Variants in RIMBP2 observed in about 807,000 individuals in gnomAD.
RIMBP2 encodes the protein RIMS binding protein 2, also known as RIMS-binding protein 2.
In RIMBP2, 48 loss-of-function variants were observed where a neutral mutation model predicts 118.6. That is an observed-to-expected ratio of 0.40 (90% confidence interval 0.32 to 0.51). The LOEUF (loss-of-function observed/expected upper bound fraction) is 0.51. Ranked by LOEUF, RIMBP2 falls within the 20% of genes least tolerant of loss-of-function variation. RIMBP2 has a pLI of 0.41. For missense variants in RIMBP2, 1,551 were observed against 1,768.3 expected (o/e 0.88, Z 2.20); for synonymous variants, 762 against 742.9 (o/e 1.03, Z -0.42).
rs2074141064 is a variant in RIMBP2, at chr12:130,397,344, G to A, written c.*17C>T. On this transcript the variant is annotated 3_prime_UTR_variant, in exon 23 of 23. Transcript: ENST00000690449. ...AGAAAATTACATAGATTTGGCAGTT[G>A]TCCGGAAGCACATGAATCATTTCAC... is the stretch of plus-strand genomic sequence containing the variant. 2.5e-6 allele frequency: 1 copy of A among 398,992 alleles called. No individual in the cohort carries two copies. The highest frequency in any genetic ancestry group is 4.4e-6 in the Non-Finnish European group (1 of 226,038). The allele number at this position is 398,992 out of a possible 1,614,324, so 24.7% of individuals were successfully genotyped here. A position where few individuals can be genotyped will look rare whatever the true frequency, so the allele number is the denominator to read the frequency against.
rs897337789 is a variant in RIMBP2 at position 130,446,080 on chromosome 12, G to A, written c.582-811C>T. Among the ~76,000 whole-genome samples the A allele has an allele frequency of 6.8e-6, 1 of 147,602 alleles. No homozygotes were observed. The highest frequency in any genetic ancestry group is 7.0e-5 in the Admixed American group (1 of 14,252). ...CATATTCTCCAGTCCTCAACATATT[G>A]GGATTAATAATTTTCAAAGCCGTGT... On this transcript the variant is annotated intron_variant, in intron 9 of 22. Coordinates refer to ENST00000690449, the MANE Select transcript of RIMBP2 (RefSeq NM_001393629.1). The surrounding 1 kb of genome is among the most constrained non-coding windows in gnomAD (Gnocchi z 4.1).
At chr12:130,560,355 C>T (rs947915298) in intron 2 of RIMBP2, among the ~76,000 whole-genome samples, 1 of 152,086 alleles carries the variant, frequency 6.6e-6, no homozygotes, top group Non-Finnish European at 1.5e-5. Flanking sequence ...CAACCTCAGC[C>T]CGGTGGTCAT....
chr12:130,440,724 G>A (rs561388385), intron 11 of RIMBP2, among the ~76,000 whole-genome samples: 1 of 152,322 alleles, frequency 6.6e-6, no homozygotes, highest in East Asian at 1.9e-4. Context: ...AAATGTCGTC[G>A]TGTAACAGAT....
At chr12:130,449,207 G>T (rs1839427969) in intron 9 of RIMBP2, among the ~76,000 whole-genome samples, 1 of 152,230 alleles carries the variant, frequency 6.6e-6, no homozygotes, top group South Asian at 2.1e-4. Context: ...TAAGAAATGG[G>T]GGTGAACTGC....
chr12:130,496,058 C>T (rs11609342), intron 4 of RIMBP2, among the ~76,000 whole-genome samples: 6,173 of 152,184 alleles, frequency 0.041, 191 homozygotes, highest in South Asian at 0.15. Context: ...TGGACCACGG[C>T]AGAGAGTACG....
chr12:130,428,598 C>T (rs981856281), intron 14 of RIMBP2: 10 of 339,398 alleles, frequency 2.9e-5, no homozygotes, highest in Admixed American at 4.9e-5. Context: ...GAGCTCTGGA[C>T]AAGATAGAAA....
At chr12:130,418,451 G>GCT (rs1458986720) in intron 17 of RIMBP2, among the ~76,000 whole-genome samples, 8 of 152,246 alleles carry the variant, frequency 5.3e-5, no homozygotes, top group African/African-American at 1.9e-4. Flanking sequence ...GTGGAGAACA[G>GCT]CTGTGGCTGC....
chr12:130,490,213 C>G (rs2048512114), intron 4 of RIMBP2, among the ~76,000 whole-genome samples: 1 of 151,018 alleles, frequency 6.6e-6, no homozygotes, highest in African/African-American at 2.4e-5. Flanking sequence ...GTTGTTGCAA[C>G]TGGACTCAAA....
chr12:130,632,310 C>G (rs2062041917), intron 1 of RIMBP2, among the ~76,000 whole-genome samples: 1 of 152,192 alleles, frequency 6.6e-6, no homozygotes, highest in Non-Finnish European at 1.5e-5. Flanking sequence ...TCTAAGGAAT[C>G]ATGTTCTCTC....
At chr12:130,532,799 A>G (rs927005659) in intron 2 of RIMBP2, among the ~76,000 whole-genome samples, 1 of 149,972 alleles carries the variant, frequency 6.7e-6, no homozygotes, top group Non-Finnish European at 1.5e-5. Context: ...GTCTAATGAG[A>G]TGCGTGTGTG....
rs542238554 is a variant in RIMBP2 at position 130,661,705 on chromosome 12, C to T, written c.-351-33249G>A. Among the ~76,000 whole-genome samples, 10 of 152,326 alleles carry T rather than the reference C, an allele frequency of 6.6e-5. 1 individual carries two copies. The highest frequency in any genetic ancestry group is 2.2e-4 in the African/African-American group (9 of 41,582). On this transcript the variant is annotated intron_variant, in intron 1 of 22. Coordinates refer to ENST00000690449, the MANE Select transcript of RIMBP2 (RefSeq NM_001393629.1). ...CAGTCTCACTAATAAATTCCCCTCT[C>T]TGCTTAAGCACAGTTTGGGTTAGAG... is the stretch of plus-strand genomic sequence containing the variant.
intron 1 of RIMBP2, among the ~76,000 whole-genome samples, chr12:130,682,584 A>C (rs1167731799): frequency 6.6e-6 from 1 of 152,254 alleles, no homozygotes; most frequent in Non-Finnish European, 1.5e-5. Flanking sequence ...CTAAATTTTA[A>C]AAAATAGCTG....
At chr12:130,472,109 A>G (rs1265229749) in intron 5 of RIMBP2, 2 of 152,328 alleles carry the variant, frequency 1.3e-5, no homozygotes, top group Non-Finnish European at 2.9e-5. Flanking sequence ...AGAGCAGCCA[A>G]GTCCTGGTGA....
At chr12:130,410,686 T>A (rs2075642872) in intron 19 of RIMBP2, among the ~76,000 whole-genome samples, 1 of 152,236 alleles carries the variant, frequency 6.6e-6, no homozygotes, top group Non-Finnish European at 1.5e-5. Context: ...TTGGTCTGTT[T>A]CTGGACTTCA....
rs184323969 is a variant in RIMBP2 at position 130,564,436 on chromosome 12, T to C, written c.-216-46519A>G. ...TTACATAACATACAATTAACTATTT[T>C]AGAGTTAACATTTCGCCAGCAACAA... On this transcript the variant is annotated intron_variant, in intron 2 of 22. Transcript: ENST00000690449. 3.4e-3 allele frequency among the ~76,000 whole-genome samples: 518 copies of C among 152,310 alleles called. 1 individual carries two copies. Among genetic ancestry groups the C allele is most frequent in the Non-Finnish European group, 5.7e-3 (391 of 68,034 alleles).
chr12:130,651,224 G>A (rs2063219324), intron 1 of RIMBP2: 2 of 152,140 alleles, frequency 1.3e-5, no homozygotes, highest in Admixed American at 1.3e-4. Context: ...ATTCTGCAGG[G>A]CACTCAGGCA....
chr12:130,439,845 G>GTATC (rs1246365622), intron 11 of RIMBP2, among the ~76,000 whole-genome samples: 3 of 146,544 alleles, frequency 2.0e-5, no homozygotes, highest in Non-Finnish European at 3.0e-5. Context: ...ATGTGTATCT[G>GTATC]TGAGTCTGTG....
At chr12:130,645,983 A>C (rs1027201227) in intron 1 of RIMBP2, among the ~76,000 whole-genome samples, 1 of 152,224 alleles carries the variant, frequency 6.6e-6, no homozygotes, top group African/African-American at 2.4e-5. Flanking sequence ...GAAAAAACCC[A>C]GGGAACAACA....
chr12:130,453,520 G>A (rs2079166456), intron 7 of RIMBP2, among the ~76,000 whole-genome samples: 1 of 152,192 alleles, frequency 6.6e-6, no homozygotes, highest in African/African-American at 2.4e-5. Context: ...AGGACACCTG[G>A]CCCTTTGTGA....
Sources: gnomAD v4.1 joint callset for allele counts (sites outside exome capture counted in the v4.1 genomes callset) on GRCh38, gnomAD v4.1.1 for gene constraint, Gnocchi (gnomAD v3.1) non-coding constraint, MANE v1.5 for transcripts, NCBI Gene and HGNC (gene_info 2026-07-23, HGNC 2026-07-21) for gene names.